DLG2: variants seen among roughly 807,000 people sequenced by gnomAD.
The protein encoded by DLG2 is discs large MAGUK scaffold protein 2, also known as disks large homolog 2.
DLG2 carries 45 observed loss-of-function variants against 132.5 expected under a neutral mutation model. That is an observed-to-expected ratio of 0.34 (90% CI 0.27 to 0.44). The LOEUF is 0.44. DLG2 is among the 20% of genes least tolerant of loss of function. The pLI is 1.00. For synonymous variants in DLG2, 424 were observed against 419.6 expected (o/e 1.01, Z -0.13); for missense variants, 1,045 against 1,196.9 (o/e 0.87, Z 1.87).
At chr11:84,633,661 C>A (rs2099635888) in intron 6 of DLG2, among the ~76,000 whole-genome samples, 1 of 151,706 alleles carries the variant, frequency 6.6e-6, no homozygotes, top group Non-Finnish European at 1.5e-5. Context: ...TCTCATTCTT[C>A]ATTATATATT....
chr11:83,800,521 C>T (rs1402152093), intron 17 of DLG2, among the ~76,000 whole-genome samples: 4 of 152,140 alleles, frequency 2.6e-5, no homozygotes, highest in African/African-American at 9.7e-5. Flanking sequence ...ATATTTCTGA[C>T]AGTATATGCA....
chr11:85,525,534 T>C (rs148950145), intron 3 of DLG2, among the ~76,000 whole-genome samples: 7 of 152,300 alleles, frequency 4.6e-5, no homozygotes, highest in African/African-American at 1.4e-4. Flanking sequence ...CTTCCAAATA[T>C]GTACAGACTC....
chr11:84,142,176 C>T (rs775495123), intron 9 of DLG2, among the ~76,000 whole-genome samples: 1 of 151,950 alleles, frequency 6.6e-6, no homozygotes, highest in African/African-American at 2.4e-5. Flanking sequence ...GTGGCACATG[C>T]CTGTGGTCCC....
At chr11:83,901,732 TTCCATC>T (rs1489523317) in intron 15 of DLG2, among the ~76,000 whole-genome samples, 8 of 152,274 alleles carry the variant, frequency 5.3e-5, no homozygotes, top group African/African-American at 1.4e-4. Context: ...CTAATACAGT[TTCCATC>T]TGCTGTTGTC....
intron 6 of DLG2, among the ~76,000 whole-genome samples, chr11:84,902,695 C>T (rs2091037499): frequency 6.6e-6 from 1 of 152,158 alleles, no homozygotes; most frequent in African/African-American, 2.4e-5. Context: ...ACCAGAGATG[C>T]AGACTGGCAT....
At chr11:83,823,672 C>A (rs1430074475) in intron 17 of DLG2, among the ~76,000 whole-genome samples, 1 of 151,570 alleles carries the variant, frequency 6.6e-6, no homozygotes, top group Non-Finnish European at 1.5e-5. Flanking sequence ...TTCATTCATT[C>A]ATTCGTTCAT....
chr11:83,617,719 G>C (rs192882391), intron 19 of DLG2, among the ~76,000 whole-genome samples: 40 of 152,224 alleles, frequency 2.6e-4, no homozygotes, highest in African/African-American at 9.4e-4. Flanking sequence ...TCATTACTAA[G>C]TATGGTGTTT....
At chr11:83,542,045 T>A (rs2096083762) in intron 19 of DLG2, among the ~76,000 whole-genome samples, 187 bp from the exon 20 acceptor site, 2 of 147,712 alleles carry the variant, frequency 1.4e-5, no homozygotes, top group Admixed American at 1.4e-4. Flanking sequence ...TAGTTCTTGC[T>A]TCTTCTTGGA....
intron 3 of DLG2, among the ~76,000 whole-genome samples, chr11:85,297,250 T>C (rs1404088939): frequency 3.3e-5 from 5 of 152,196 alleles, no homozygotes; most frequent in African/African-American, 1.2e-4. Context: ...TAGCATACTT[T>C]TGTACTGGTT....
intron 7 of DLG2, among the ~76,000 whole-genome samples, chr11:84,465,011 C>T (rs890120986): frequency 2.0e-5 from 3 of 151,156 alleles, no homozygotes; most frequent in African/African-American, 4.8e-5. Flanking sequence ...CCAGGTTGAA[C>T]ACTGTTGGCC....
chr11:84,642,338 T>C (rs189633686), intron 6 of DLG2, among the ~76,000 whole-genome samples: 3 of 152,046 alleles, frequency 2.0e-5, no homozygotes, highest in Admixed American at 1.3e-4. Context: ...GCTTTGTATA[T>C]ACAAAGCTTT....
chr11:84,606,545 G>T (rs2099586014), intron 6 of DLG2, among the ~76,000 whole-genome samples: 1 of 152,056 alleles, frequency 6.6e-6, no homozygotes, highest in South Asian at 2.1e-4. Flanking sequence ...TTTAAAATAA[G>T]TACAATTGCA....
chr11:85,440,758 G>A (rs80151489), intron 3 of DLG2, among the ~76,000 whole-genome samples: 98 of 152,226 alleles, frequency 6.4e-4, no homozygotes, highest in Non-Finnish European at 1.2e-3. Context: ...GAAAGACTAG[G>A]CTCTTTATAA....
intron 6 of DLG2, among the ~76,000 whole-genome samples, chr11:84,746,425 G>C (rs1033109889): frequency 1.4e-5 from 2 of 144,692 alleles, no homozygotes; most frequent in Admixed American, 7.0e-5. Flanking sequence ...CTTTATTTCA[G>C]CTTAGTTTAG....
intron 7 of DLG2, among the ~76,000 whole-genome samples, chr11:84,438,263 G>A (rs1007637581): frequency 3.3e-5 from 5 of 152,180 alleles, no homozygotes; most frequent in Non-Finnish European, 7.3e-5. Context: ...TTTAGAGAAT[G>A]GCCTGGGACC....
chr11:84,467,199 C>A (rs2099096783), intron 7 of DLG2, among the ~76,000 whole-genome samples: 1 of 151,098 alleles, frequency 6.6e-6, no homozygotes, highest in African/African-American at 2.4e-5. Context: ...TGAAGGGATT[C>A]CCCTAGGAAA....
intron 3 of DLG2, among the ~76,000 whole-genome samples, chr11:85,501,265 A>G (rs563284952): frequency 1.3e-5 from 2 of 152,318 alleles, no homozygotes; most frequent in Admixed American, 1.3e-4. Context: ...TACAAAAATC[A>G]ACTCAACATG....
chr11:85,628,351 G>C (rs563443100), upstream of DLG2, among the ~76,000 whole-genome samples: 39 of 152,228 alleles, frequency 2.6e-4, no homozygotes, highest in Non-Finnish European at 5.3e-4. Flanking sequence ...GAGCTAAGCT[G>C]ATAAATAGTC....
At chr11:84,490,237 T>C (rs1484764076) in intron 7 of DLG2, among the ~76,000 whole-genome samples, 2 of 152,240 alleles carry the variant, frequency 1.3e-5, no homozygotes, top group Non-Finnish European at 2.9e-5. Flanking sequence ...TTAAGTAAGA[T>C]TGTATTACTA....
Sources: allele counts gnomAD v4.1 joint callset (sites outside exome capture counted in the v4.1 genomes callset), GRCh38; gene constraint gnomAD v4.1.1; transcripts MANE v1.5; gene names NCBI Gene and HGNC (gene_info 2026-07-23, HGNC 2026-07-21).